DIAPH2: variants seen among roughly 807,000 people sequenced by gnomAD.
The protein encoded by DIAPH2 is protein diaphanous homolog 2.
Under a neutral mutation model 92.7 loss-of-function variants are expected in DIAPH2, and 35 were observed. The observed-to-expected ratio is 0.38, with a 90% confidence interval of 0.29 to 0.50. DIAPH2 has a LOEUF of 0.50. Among genes scored for constraint, DIAPH2 ranks in the 20% least tolerant of loss-of-function variants. DIAPH2 has a pLI of 0.94. For missense variants in DIAPH2, 701 were observed against 819.5 expected (o/e 0.86, Z 1.77); for synonymous variants, 301 against 280.4 (o/e 1.07, Z -0.73).
intron 4 of DIAPH2, among the ~76,000 whole-genome samples, chrX:96,872,117 A>G (rs2065147420): frequency 8.9e-6 from 1 of 111,856 alleles, no homozygotes; most frequent in African/African-American, 3.3e-5. Flanking sequence ...TAATCACATC[A>G]GGGTAAATGG....
chrX:97,161,701 C>T (rs1279428939), intron 22 of DIAPH2, among the ~76,000 whole-genome samples: 1 of 111,747 alleles, frequency 8.9e-6, no homozygotes, highest in Non-Finnish European at 1.9e-5. Flanking sequence ...AATGAAAGTG[C>T]TATTCTAGGA....
At chrX:97,534,957 A>C (rs2071084986) in intron 26 of DIAPH2, among the ~76,000 whole-genome samples, 1 of 111,083 alleles carries the variant, frequency 9.0e-6, no homozygotes, top group Non-Finnish European at 1.9e-5. Flanking sequence ...GGAAATTGTC[A>C]GACAAACCCA....
At chrX:97,033,718 CT>C (rs2066392107) in intron 17 of DIAPH2, among the ~76,000 whole-genome samples, 1 of 111,710 alleles carries the variant, frequency 9.0e-6, no homozygotes, top group Non-Finnish European at 1.9e-5. Context: ...TCAGTAATTT[CT>C]TTTTAAAGAG....
chrX:97,111,427 C>G lies in DIAPH2; in HGVS notation c.2350-3299C>G, dbSNP rs146914075. Among the ~76,000 whole-genome samples, 4 of 111,569 alleles carry G rather than the reference C, an allele frequency of 3.6e-5. No homozygotes were observed. The East Asian group carries it at 1.1e-3, about 31-fold the overall frequency. ...TAGCAGCAGGTCAGGGAAAGCAAAT[C>G]CATCTACTCTCATTCTCTGAAACAA... is the stretch of plus-strand genomic sequence containing the variant. On this transcript the variant is annotated intron_variant, in intron 20 of 26. Transcript: ENST00000324765.
intron 4 of DIAPH2, among the ~76,000 whole-genome samples, chrX:96,865,224 C>G (rs2065097201): frequency 9.0e-6 from 1 of 111,689 alleles, no homozygotes; most frequent in Non-Finnish European, 1.9e-5. Context: ...CCATTTATGC[C>G]AGAGGCTGCA....
At chrX:97,433,251 C>T (rs2070146779) in intron 26 of DIAPH2, among the ~76,000 whole-genome samples, 1 of 110,866 alleles carries the variant, frequency 9.0e-6, no homozygotes, top group South Asian at 3.8e-4. Context: ...TGGCTCATCC[C>T]TATAATCCCA....
intron 19 of DIAPH2, among the ~76,000 whole-genome samples, chrX:97,077,902 T>G (rs890983639): frequency 4.5e-5 from 5 of 110,932 alleles, no homozygotes; most frequent in African/African-American, 1.6e-4. Context: ...TGTTGAGGAG[T>G]TTTTAATACA....
At chrX:97,139,191 A>G (rs2067193016) in intron 21 of DIAPH2, among the ~76,000 whole-genome samples, 1 of 110,040 alleles carries the variant, frequency 9.1e-6, no homozygotes, top group African/African-American at 3.3e-5. Context: ...GACATTGAAC[A>G]ACACGATAGG....
At chrX:96,728,064 A>AG (rs1383240232) in intron 1 of DIAPH2, among the ~76,000 whole-genome samples, 1 of 109,601 alleles carries the variant, frequency 9.1e-6, no homozygotes, top group African/African-American at 3.3e-5. Flanking sequence ...AAAGAAAAAA[A>AG]AAAGTAGAAC....
chrX:97,536,275 A>C (rs1007990156), intron 26 of DIAPH2, among the ~76,000 whole-genome samples: 1 of 112,215 alleles, frequency 8.9e-6, no homozygotes, highest in African/African-American at 3.2e-5. Flanking sequence ...TGAAAACTCA[A>C]TGTGGAATTT....
At chrX:97,124,655 A>G (rs2067079354) in intron 21 of DIAPH2, among the ~76,000 whole-genome samples, 1 of 111,810 alleles carries the variant, frequency 8.9e-6, no homozygotes, top group Non-Finnish European at 1.9e-5. Flanking sequence ...ATTCTTATGT[A>G]TGTTAAAATT....
intron 22 of DIAPH2, among the ~76,000 whole-genome samples, chrX:97,224,128 G>T (rs2067947735): frequency 8.9e-6 from 1 of 111,746 alleles, no homozygotes; most frequent in Non-Finnish European, 1.9e-5. Flanking sequence ...TTTCAATTAG[G>T]CTATGGCAAC....
intron 23 of DIAPH2, among the ~76,000 whole-genome samples, chrX:97,279,920 C>T (rs1355044385): frequency 1.8e-5 from 2 of 111,250 alleles, no homozygotes; most frequent in African/African-American, 3.3e-5. Flanking sequence ...AGTGGATTCC[C>T]GAATCTCCCA....
chrX:97,229,392 A>G (rs921161373), intron 22 of DIAPH2, among the ~76,000 whole-genome samples: 15 of 111,811 alleles, frequency 1.3e-4, no homozygotes, highest in Non-Finnish European at 2.8e-4. Flanking sequence ...CAGTGTTCCA[A>G]CCTTTAGGTG....
chrX:96,971,953 C>T (rs1032521192), intron 17 of DIAPH2, among the ~76,000 whole-genome samples: 1 of 111,771 alleles, frequency 8.9e-6, no homozygotes, highest in African/African-American at 3.3e-5. Flanking sequence ...CCTTGTCATT[C>T]GCAGTGCCTT....
chrX:97,250,343 G>A (rs540981856), intron 23 of DIAPH2, among the ~76,000 whole-genome samples: 3 of 111,848 alleles, frequency 2.7e-5, no homozygotes, highest in African/African-American at 9.7e-5. Flanking sequence ...AAAAGCATTC[G>A]TATGCCTCTG....
chrX:96,811,197 G>A (rs2064677471), intron 4 of DIAPH2, among the ~76,000 whole-genome samples: 1 of 111,417 alleles, frequency 9.0e-6, no homozygotes, highest in Non-Finnish European at 1.9e-5. Context: ...ATTTCATTGA[G>A]CGGTGGTTGG....
intron 3 of DIAPH2, among the ~76,000 whole-genome samples, chrX:96,754,950 AAAG>A (rs2064216733): frequency 1.9e-5 from 2 of 104,680 alleles, no homozygotes; most frequent in African/African-American, 6.9e-5. Flanking sequence ...AAAAAAAAAA[AAAG>A]GAAATAGATA....
chrX:97,091,109 C>T (rs995766895), intron 19 of DIAPH2, among the ~76,000 whole-genome samples: 1 of 110,254 alleles, frequency 9.1e-6, no homozygotes, highest in African/African-American at 3.3e-5. Flanking sequence ...CAGGCTCAAG[C>T]GATTCTCCTA....
Sources: allele counts gnomAD v4.1 joint callset (sites outside exome capture counted in the v4.1 genomes callset), GRCh38; gene constraint gnomAD v4.1.1; transcripts MANE v1.5; gene names NCBI Gene and HGNC (gene_info 2026-07-23, HGNC 2026-07-21).